The following KCNK2 variants were observed in gnomAD, a reference collection of about 807,000 sequenced individuals.
The protein encoded by KCNK2 is potassium channel subfamily K member 2.
KCNK2 carries 21 observed loss-of-function variants against 40.5 expected under a neutral mutation model. The ratio of observed to expected loss-of-function variants is 0.52; its 90% confidence interval spans 0.37 to 0.75. KCNK2 has a LOEUF of 0.75. KCNK2 is among the 30% of genes least tolerant of loss of function. The probability of loss-of-function intolerance (pLI) is 0.00; values close to 1 mark genes in which losing one functional copy is unlikely to be tolerated. For synonymous variants in KCNK2, 191 were observed against 202.2 expected, an observed-to-expected ratio of 0.94 and a Z score of 0.47; for missense variants, 399 against 531.6, an observed-to-expected ratio of 0.75 and a Z score of 2.45.
intron 6 of KCNK2, among the ~76,000 whole-genome samples, chr1:215,204,400 A>G (rs1423368349): frequency 1.3e-5 from 2 of 151,920 alleles, no homozygotes; most frequent in Non-Finnish European, 2.9e-5. Context: ...TCCTTTGTAA[A>G]TAATAGGAAA....
upstream of KCNK2, among the ~76,000 whole-genome samples, chr1:215,080,829 G>C (rs971149546): frequency 6.6e-6 from 1 of 152,180 alleles, no homozygotes; most frequent in South Asian, 2.1e-4. Context: ...GTGTCAACTT[G>C]ACTAGGCTAC....
Position 215,194,641 on chromosome 1 carries a change from A to G in KCNK2, c.824-312A>G, listed in dbSNP as rs889663810. Among the ~76,000 whole-genome samples the G allele has an allele frequency of 7.2e-5, 11 of 152,332 alleles. No homozygotes were observed. In the East Asian group the frequency reaches 1.2e-3, roughly 16 times the overall value. On this transcript the variant is annotated intron_variant, in intron 5 of 6. Coordinates refer to ENST00000444842, the MANE Select transcript of KCNK2 (RefSeq NM_001017425.3). ...AGGTGGAAAAAGAAACTTAGTACAC[A>G]TAGAATAATTAAGTACTAGACTGAG...
At chr1:215,052,312 T>C (rs1367094576) in intron 1 of KCNK2, among the ~76,000 whole-genome samples, 1 of 152,118 alleles carries the variant, frequency 6.6e-6, no homozygotes, top group African/African-American at 2.4e-5. Flanking sequence ...ATGACATAAC[T>C]TGATTGCAGT....
At chr1:215,070,858 C>T (rs965569801) in intron 1 of KCNK2, among the ~76,000 whole-genome samples, 12 of 152,120 alleles carry the variant, frequency 7.9e-5, no homozygotes, top group African/African-American at 2.7e-4. Context: ...TACATCAAGA[C>T]ACATGCAATT....
intron 1 of KCNK2, among the ~76,000 whole-genome samples, chr1:215,045,717 A>T (rs906945333): frequency 1.3e-5 from 2 of 152,166 alleles, no homozygotes; most frequent in Non-Finnish European, 2.9e-5. Flanking sequence ...AATGCCCCTT[A>T]ATAGTTATTC....
At chr1:215,138,882 C>T (rs1662043961) in intron 3 of KCNK2, among the ~76,000 whole-genome samples, 1 of 152,066 alleles carries the variant, frequency 6.6e-6, no homozygotes, top group South Asian at 2.1e-4. Context: ...ATGTGCAGTG[C>T]TGGTTATCTT....
Position 215,181,978 on chromosome 1 carries a change from G to A in KCNK2, c.823+9795G>A, listed in dbSNP as rs138129638. 3.7e-3 allele frequency among the ~76,000 whole-genome samples: 567 copies of A among 152,302 alleles called. 1 individual carries two copies. The highest frequency in any genetic ancestry group is 5.0e-3 in the Admixed American group (76 of 15,298). On this transcript the variant is annotated intron_variant, in intron 5 of 6. Coordinates refer to ENST00000444842, the MANE Select transcript of KCNK2 (RefSeq NM_001017425.3). ...ATGGCCACTGAGTGTCCAGAAGTGC[G>A]CCTAAGCATGGAGCTGGGGAACTCC...
chr1:215,098,471 T>C (rs112118919), intron 2 of KCNK2, among the ~76,000 whole-genome samples: 20 of 151,986 alleles, frequency 1.3e-4, no homozygotes, highest in African/African-American at 4.8e-4. Flanking sequence ...TGTGTCTCTT[T>C]CTCCTGGATT....
intron 3 of KCNK2, among the ~76,000 whole-genome samples, chr1:215,155,301 A>T (rs1571674054): frequency 6.6e-6 from 1 of 152,084 alleles, no homozygotes; most frequent in Non-Finnish European, 1.5e-5. Flanking sequence ...TTGCTTCATA[A>T]CTTAATTTTT....
At position 215,220,621 on chromosome 1, in the gene KCNK2, A is replaced by G. The variant is rs540119019; in HGVS notation, c.964-14207A>G. Among the ~76,000 whole-genome samples the G allele has an allele frequency of 3.3e-5, 5 of 152,304 alleles. No individual in the cohort carries two copies. The South Asian group carries it at 1.0e-3, about 32-fold the overall frequency. Reference sequence around the variant, plus strand: ...ACTGCTTTGGGACTGAATTGTTTAGAAAAGGGAGAGGAAGAGAAAAGGAAG... The same window carrying G: ...ACTGCTTTGGGACTGAATTGTTTAGGAAAGGGAGAGGAAGAGAAAAGGAAG... On this transcript the variant is annotated intron_variant, in intron 6 of 6. Coordinates refer to ENST00000444842, the MANE Select transcript of KCNK2 (RefSeq NM_001017425.3).
At chr1:215,060,250 T>G in intron 1 of KCNK2, among the ~76,000 whole-genome samples, 1 of 152,006 alleles carries the variant, frequency 6.6e-6, no homozygotes, top group East Asian at 1.9e-4. Context: ...AGTCTAGATG[T>G]ATTGGCCAGA....
rs59173301 is a variant in KCNK2, at chr1:215,224,986, GT to G, written c.964-9839del. On this transcript the variant is annotated intron_variant, in intron 6 of 6. Coordinates refer to ENST00000444842, the MANE Select transcript of KCNK2 (RefSeq NM_001017425.3). ...TCATAAAGAACTCTGCCTCCTCAAG[GT>G]TTATTTAGGGCTGGATATGCTATAT... Among the ~76,000 whole-genome samples, 881 of 152,128 alleles carry G rather than the reference GT, an allele frequency of 5.8e-3. 19 individuals carry two copies. In the South Asian group the frequency reaches 0.063, roughly 11 times the overall value.
chr1:215,021,192 C>T (rs191965907), intron 1 of KCNK2, among the ~76,000 whole-genome samples: 46 of 152,154 alleles, frequency 3.0e-4, no homozygotes, highest in African/African-American at 9.4e-4. Context: ...ACCAACGGAA[C>T]GGTTTAAGAA....
At chr1:215,154,308 C>T (rs556818389) in intron 3 of KCNK2, among the ~76,000 whole-genome samples, 2 of 152,254 alleles carry the variant, frequency 1.3e-5, no homozygotes, top group African/African-American at 4.8e-5. Context: ...GAGATGGTAT[C>T]TCACTGTGGT....
chr1:215,217,280 G>A (rs992163221), intron 6 of KCNK2, among the ~76,000 whole-genome samples: 1 of 152,106 alleles, frequency 6.6e-6, no homozygotes, highest in African/African-American at 2.4e-5. Flanking sequence ...CAAATTTCTG[G>A]AAGCAATTTC....
intron 3 of KCNK2, among the ~76,000 whole-genome samples, chr1:215,143,280 C>T (rs900938946): frequency 3.9e-5 from 6 of 152,000 alleles, no homozygotes; most frequent in African/African-American, 1.4e-4. Flanking sequence ...GGGAAGGCTG[C>T]CTGTTTCTAT....
intron 2 of KCNK2, among the ~76,000 whole-genome samples, chr1:215,120,516 C>G (rs1661143557): frequency 6.6e-6 from 1 of 152,082 alleles, no homozygotes; most frequent in East Asian, 1.9e-4. Context: ...TCTAAATTCC[C>G]CTTCCCTGAT....
chr1:215,148,530 T>C (rs1324290168), intron 3 of KCNK2, among the ~76,000 whole-genome samples: 1 of 152,138 alleles, frequency 6.6e-6, no homozygotes, highest in Admixed American at 6.5e-5. Flanking sequence ...TATGCGGTAT[T>C]AATAAAAACC....
At chr1:215,143,148 T>TA (rs1558110542) in intron 3 of KCNK2, among the ~76,000 whole-genome samples, 1 of 152,198 alleles carries the variant, frequency 6.6e-6, no homozygotes, top group African/African-American at 2.4e-5. Flanking sequence ...TCCTTTTTTT[T>TA]AAATTGAATT....
Sources: gnomAD v4.1 joint callset for allele counts (sites outside exome capture counted in the v4.1 genomes callset) on GRCh38, gnomAD v4.1.1 for gene constraint, MANE v1.5 for transcripts, NCBI Gene and HGNC (gene_info 2026-07-23, HGNC 2026-07-21) for gene names.